Variants in MAGI2 observed in about 807,000 individuals in gnomAD.
MAGI2 encodes the protein membrane associated guanylate kinase, WW and PDZ domain containing 2.
MAGI2 carries 35 observed loss-of-function variants against 133.3 expected under a neutral mutation model. The observed-to-expected ratio is 0.26, with a 90% CI of 0.20 to 0.35. The LOEUF is 0.35. Among genes scored for constraint, MAGI2 ranks in the 10% least tolerant of loss-of-function variants. The pLI is 1.00. For missense variants in MAGI2, 1,636 were observed against 1,863.4 expected (o/e 0.88, Z 2.25); for synonymous variants, 729 against 710.6 (o/e 1.03, Z -0.41).
chr7:78,934,626 T>C (rs1460045683), intron 2 of MAGI2, among the ~76,000 whole-genome samples: 1 of 152,138 alleles, frequency 6.6e-6, no homozygotes, highest in East Asian at 1.9e-4. Flanking sequence ...AAAAATATCG[T>C]ATAAAATTAC....
intron 1 of MAGI2, among the ~76,000 whole-genome samples, chr7:79,316,359 T>C (rs1838721602): frequency 6.6e-6 from 1 of 152,172 alleles, no homozygotes; most frequent in Non-Finnish European, 1.5e-5. Context: ...AGTATTAATA[T>C]TTAAATAGTG....
At chr7:78,437,954 A>G (rs17351971) in intron 6 of MAGI2, among the ~76,000 whole-genome samples, 12,992 of 152,228 alleles carry the variant, frequency 0.085, 698 homozygotes, top group Non-Finnish European at 0.13. Flanking sequence ...CAGAATGTCA[A>G]ATGAAGTAAT....
chr7:79,339,633 T>C (rs1183207659), intron 1 of MAGI2, among the ~76,000 whole-genome samples: 3 of 152,188 alleles, frequency 2.0e-5, no homozygotes, highest in African/African-American at 7.2e-5. Context: ...TAAGTGCTTA[T>C]CACCAGCCAT....
intron 6 of MAGI2, among the ~76,000 whole-genome samples, chr7:78,449,066 A>G (rs1788450360): frequency 6.6e-6 from 1 of 152,074 alleles, no homozygotes. Flanking sequence ...AAACATTGTT[A>G]TCTCTCAACC....
Position 79,129,286 on chromosome 7 carries a change from T to A in MAGI2, c.302-122080A>T, listed in dbSNP as rs1261884677. ...TTATGTAATTTATTGACTAATGTAC[T>A]GAAAGTGAAAAACACTTTCTACTGA... is the stretch of plus-strand genomic sequence containing the variant. On this transcript the variant is annotated intron_variant, in intron 1 of 21. Coordinates refer to ENST00000354212, the MANE Select transcript of MAGI2 (RefSeq NM_012301.4). 2.0e-5 allele frequency among the ~76,000 whole-genome samples: 3 copies of A among 152,226 alleles called. No individual in the cohort carries two copies. In the East Asian group the frequency reaches 5.8e-4, roughly 29 times the overall value.
intron 1 of MAGI2, among the ~76,000 whole-genome samples, chr7:79,303,464 C>T (rs1043354112): frequency 2.0e-5 from 3 of 152,138 alleles, no homozygotes; most frequent in African/African-American, 7.2e-5. Context: ...TCTTTGAAAA[C>T]AATCATCTGT....
At chr7:79,034,608 T>C (rs992442583) in intron 1 of MAGI2, among the ~76,000 whole-genome samples, 6 of 152,174 alleles carry the variant, frequency 3.9e-5, no homozygotes, top group Non-Finnish European at 8.8e-5. Context: ...CAGAATTATA[T>C]ATGAAGTTAT....
chr7:79,250,228 A>T (rs1237144429), intron 1 of MAGI2, among the ~76,000 whole-genome samples: 1 of 152,078 alleles, frequency 6.6e-6, no homozygotes, highest in East Asian at 1.9e-4. Flanking sequence ...CTTCTCTAAG[A>T]TCCAGAACAC....
chr7:78,740,332 A>G (rs1822290855), intron 2 of MAGI2, among the ~76,000 whole-genome samples: 1 of 152,152 alleles, frequency 6.6e-6, no homozygotes, highest in Admixed American at 6.5e-5. Flanking sequence ...TGATATATTT[A>G]TAAAATTGTT....
chr7:78,083,491 A>C (rs1816282684), intron 20 of MAGI2, among the ~76,000 whole-genome samples: 1 of 151,710 alleles, frequency 6.6e-6, no homozygotes, highest in Non-Finnish European at 1.5e-5. Flanking sequence ...CTCTGTGTGC[A>C]CTGCATTATG....
intron 13 of MAGI2, among the ~76,000 whole-genome samples, chr7:78,181,917 A>C (rs1390698163): frequency 1.3e-5 from 2 of 152,226 alleles, no homozygotes; most frequent in Admixed American, 1.3e-4. Flanking sequence ...CTCTGTGCAC[A>C]GTTAGGGAAA....
chr7:78,907,254 C>A (rs1798058157), intron 2 of MAGI2, among the ~76,000 whole-genome samples: 1 of 152,128 alleles, frequency 6.6e-6, no homozygotes, highest in Non-Finnish European at 1.5e-5. Context: ...CCTTTGTTAT[C>A]TTTGGTCAGA....
chr7:78,532,503 T>C (rs150755326), intron 3 of MAGI2, among the ~76,000 whole-genome samples: 84 of 152,294 alleles, frequency 5.5e-4, no homozygotes, highest in African/African-American at 1.9e-3. Flanking sequence ...CCTAAGTATA[T>C]CTCCCATAGG....
chr7:79,299,680 A>T (rs560184317), intron 1 of MAGI2, among the ~76,000 whole-genome samples: 2 of 152,076 alleles, frequency 1.3e-5, no homozygotes, highest in African/African-American at 4.8e-5. Context: ...AAAAAAACAC[A>T]AAAAACGATA....
intron 3 of MAGI2, among the ~76,000 whole-genome samples, chr7:78,537,247 T>G (rs572636832): frequency 1.3e-5 from 2 of 152,114 alleles, no homozygotes; most frequent in Non-Finnish European, 1.5e-5. Context: ...GATGAACTTT[T>G]GAGCTGGTTT....
intron 8 of MAGI2, chr7:78,345,491 T>C (rs1049031020): frequency 4.4e-5 from 7 of 160,096 alleles, no homozygotes; most frequent in Non-Finnish European, 9.6e-5. Flanking sequence ...GTAAGACAAG[T>C]CATTCACGCT....
chr7:78,211,861 G>A (rs187868743), intron 10 of MAGI2, among the ~76,000 whole-genome samples: 345 of 152,192 alleles, frequency 2.3e-3, no homozygotes, highest in African/African-American at 7.9e-3. Context: ...TATGGACTAC[G>A]ACTTGTTTTG....
chr7:78,383,548 C>T (rs1315247935), intron 6 of MAGI2, among the ~76,000 whole-genome samples: 2 of 152,028 alleles, frequency 1.3e-5, no homozygotes, highest in Non-Finnish European at 2.9e-5. Context: ...TTCCATTCAA[C>T]ATGCTGTCTT....
intron 4 of MAGI2, among the ~76,000 whole-genome samples, chr7:78,511,808 A>C (rs1420722593): frequency 1.3e-5 from 2 of 151,484 alleles, no homozygotes; most frequent in Non-Finnish European, 2.9e-5. Flanking sequence ...AATATATAAG[A>C]TATGAGGCTG....
Sources: gnomAD v4.1 joint callset for allele counts (sites outside exome capture counted in the v4.1 genomes callset) on GRCh38, gnomAD v4.1.1 for gene constraint, MANE v1.5 for transcripts, NCBI Gene and HGNC (gene_info 2026-07-23, HGNC 2026-07-21) for gene names.